CCSER1: variants seen among roughly 807,000 people sequenced by gnomAD.
CCSER1 encodes coiled-coil serine rich protein 1, also known as serine-rich coiled-coil domain-containing protein 1.
Under a neutral mutation model 82.0 loss-of-function variants are expected in CCSER1, and 41 were observed. That is an observed-to-expected ratio of 0.50 (90% confidence interval 0.39 to 0.65). CCSER1 has a LOEUF of 0.65. CCSER1 is among the 30% of genes least tolerant of loss of function. The pLI, the probability that CCSER1 is intolerant of heterozygous loss-of-function variation, is 0.00. For missense variants in CCSER1, 1,119 were observed against 1,064.2 expected (o/e 1.05, Z -0.72); for synonymous variants, 414 against 383.9 (o/e 1.08, Z -0.92).
intron 1 of CCSER1, among the ~76,000 whole-genome samples, chr4:90,236,995 T>C (rs1025368517): frequency 6.6e-6 from 1 of 152,192 alleles, no homozygotes; most frequent in Admixed American, 6.5e-5. Flanking sequence ...GTGATGGTAC[T>C]GTGTTTAAAC....
At position 90,366,377 on chromosome 4, in the gene CCSER1, A is replaced by G. The variant is rs182272121; in HGVS notation, c.1510-33659A>G. Among the ~76,000 whole-genome samples, 176 of 151,798 alleles carry G rather than the reference A, an allele frequency of 1.2e-3. 1 individual carries two copies. Among genetic ancestry groups the G allele is most frequent in the Admixed American group, 0.011 (170 of 15,238 alleles). The stretch of plus-strand genomic sequence containing the variant: ...ACTGGGTTTAACTTTTTAAATTGTA[A>G]ATTAACAATTCATAAGTGTATAAAT... On this transcript the variant is annotated intron_variant, in intron 3 of 10. Coordinates refer to ENST00000509176, the MANE Select transcript of CCSER1 (RefSeq NM_001145065.2).
At chr4:91,168,405 C>CAT (rs1732386589) in intron 10 of CCSER1, among the ~76,000 whole-genome samples, 1 of 149,028 alleles carries the variant, frequency 6.7e-6, no homozygotes, top group Non-Finnish European at 1.5e-5. Context: ...CCTGGCCGCC[C>CAT]CGTCTGGGAA....
chr4:90,219,206 T>C (rs111938785), intron 1 of CCSER1, among the ~76,000 whole-genome samples: 1,933 of 152,320 alleles, frequency 0.013, 12 homozygotes, highest in Middle Eastern at 0.037. Context: ...AATGAACTTT[T>C]TGTGAGAATG....
intron 3 of CCSER1, among the ~76,000 whole-genome samples, chr4:90,381,259 A>G (rs773816038): frequency 3.9e-5 from 6 of 152,214 alleles, no homozygotes; most frequent in Non-Finnish European, 7.3e-5. Context: ...CTTCATTTTA[A>G]CATCCTGAAT....
At chr4:90,775,628 A>G (rs1752794600) in intron 7 of CCSER1, among the ~76,000 whole-genome samples, 1 of 152,198 alleles carries the variant, frequency 6.6e-6, no homozygotes, top group Non-Finnish European at 1.5e-5. Flanking sequence ...AAATATGTAG[A>G]TTTCACAATT....
intron 10 of CCSER1, among the ~76,000 whole-genome samples, chr4:91,233,973 T>G (rs2149120263): frequency 6.6e-6 from 1 of 152,090 alleles, no homozygotes; most frequent in East Asian, 1.9e-4. Context: ...TGTCAGGCAT[T>G]TAGTGAACTC....
At chr4:90,977,537 A>T (rs1735718504) in intron 9 of CCSER1, among the ~76,000 whole-genome samples, 1 of 151,652 alleles carries the variant, frequency 6.6e-6, no homozygotes, top group Admixed American at 6.6e-5. Context: ...ATTTGCAATT[A>T]TGTATGTATA....
chr4:90,989,286 C>A (rs542302461), intron 9 of CCSER1, among the ~76,000 whole-genome samples: 3 of 151,748 alleles, frequency 2.0e-5, no homozygotes, highest in African/African-American at 4.8e-5. Flanking sequence ...CTAAGACTTG[C>A]TATTATGGAA....
intron 5 of CCSER1, among the ~76,000 whole-genome samples, chr4:90,475,348 A>T (rs944172910): frequency 6.6e-6 from 1 of 152,188 alleles, no homozygotes; most frequent in African/African-American, 2.4e-5. Flanking sequence ...CTAGTGTTTC[A>T]TGATTTTGGT....
chr4:90,626,165 G>T (rs1338016438), intron 5 of CCSER1, among the ~76,000 whole-genome samples: 2 of 152,140 alleles, frequency 1.3e-5, no homozygotes, highest in African/African-American at 2.4e-5. Flanking sequence ...TGTATGAGTT[G>T]TATGCGTCGA....
Position 90,821,997 on chromosome 4 carries a change from A to G in CCSER1, c.2094+6152A>G, listed in dbSNP as rs78550374. Among the ~76,000 whole-genome samples the G allele has an allele frequency of 4.8e-4, 73 of 152,306 alleles. 1 individual carries two copies. The East Asian group carries it at 0.012, about 25-fold the overall frequency. ...ATCAGTGGTTTCAAAAATCTTATAC[A>G]TGGTTTTACACTATGGATGAAGAGT... On this transcript the variant is annotated intron_variant, in intron 8 of 10. Transcript: ENST00000509176.
chr4:90,908,398 G>T (rs1290533856), intron 8 of CCSER1, among the ~76,000 whole-genome samples: 1 of 152,014 alleles, frequency 6.6e-6, no homozygotes, highest in African/African-American at 2.4e-5. Context: ...GTTAATATGA[G>T]ATGAAGGTGA....
chr4:90,648,275 A>G lies in CCSER1; in HGVS notation c.1932+20043A>G, dbSNP rs1246238664. On this transcript the variant is annotated intron_variant, in intron 6 of 10. Coordinates refer to ENST00000509176, the MANE Select transcript of CCSER1 (RefSeq NM_001145065.2). ...AAAAAAAGAAGAAAGAAAGAGAGAG[A>G]GAAAGAAAGGAAAGAAAGAAAGAAA... 3.8e-5 allele frequency among the ~76,000 whole-genome samples: 4 copies of G among 105,230 alleles called. No homozygotes were observed. The East Asian group carries it at 1.0e-3, about 26-fold the overall frequency. The allele number at this position is 105,230 out of a possible 152,430, so 69.0% of individuals were successfully genotyped here.
At chr4:91,301,201 A>G (rs988190156) in intron 10 of CCSER1, among the ~76,000 whole-genome samples, 5 of 152,048 alleles carry the variant, frequency 3.3e-5, no homozygotes, top group African/African-American at 1.2e-4. Context: ...TTGTCTGATT[A>G]CCACACAGTT....
At chr4:91,456,916 A>C (rs900367716) in intron 10 of CCSER1, among the ~76,000 whole-genome samples, 1 of 152,084 alleles carries the variant, frequency 6.6e-6, no homozygotes, top group Non-Finnish European at 1.5e-5. Flanking sequence ...TATTAATTGA[A>C]TTATTTATTG....
chr4:90,263,580 T>C (rs1724716599), intron 1 of CCSER1, among the ~76,000 whole-genome samples: 1 of 152,214 alleles, frequency 6.6e-6, no homozygotes, highest in Non-Finnish European at 1.5e-5. Flanking sequence ...ACAGCCATTT[T>C]CTTTTTCCTG....
intron 5 of CCSER1, among the ~76,000 whole-genome samples, chr4:90,470,621 G>C (rs556771762): frequency 6.6e-6 from 1 of 151,986 alleles, no homozygotes; most frequent in South Asian, 2.1e-4. Context: ...TTTTTTGCTT[G>C]ACTCTTCTGT....
In CCSER1 at chr4:91,453,052, G is replaced by T. The variant is rs374948603; in HGVS notation, c.2218-145520G>T. On this transcript the variant is annotated intron_variant, in intron 10 of 10. Coordinates refer to ENST00000509176, the MANE Select transcript of CCSER1 (RefSeq NM_001145065.2). ...TCATTTTATTACCTGTCACTTCACT[G>T]GGTTTCAAATTGTCTAATTTATTTA... Among the ~76,000 whole-genome samples, 70 of 152,024 alleles carry T rather than the reference G, an allele frequency of 4.6e-4. 1 individual carries two copies. Among genetic ancestry groups the T allele is most frequent in the South Asian group, 2.9e-3 (14 of 4,826 alleles).
At chr4:90,412,027 C>A (rs556051420) in intron 4 of CCSER1, among the ~76,000 whole-genome samples, 2 of 151,848 alleles carry the variant, frequency 1.3e-5, no homozygotes, top group South Asian at 2.1e-4. Flanking sequence ...ATGTTTATTG[C>A]GGCACTATTC....
Sources: gnomAD v4.1 joint callset for allele counts (sites outside exome capture counted in the v4.1 genomes callset) on GRCh38, gnomAD v4.1.1 for gene constraint, MANE v1.5 for transcripts, NCBI Gene and HGNC (gene_info 2026-07-23, HGNC 2026-07-21) for gene names.